LRRC4C: variants seen among roughly 807,000 people sequenced by gnomAD.
LRRC4C encodes leucine rich repeat containing 4C, also known as leucine-rich repeat-containing protein 4C.
Under a neutral mutation model 33.6 loss-of-function variants are expected in LRRC4C, and 5 were observed. That is an observed-to-expected ratio of 0.15 (90% confidence interval 0.08 to 0.31). The LOEUF (loss-of-function observed/expected upper bound fraction) is 0.31, where lower values mean the gene tolerates loss of function less well. Among genes scored for constraint, LRRC4C ranks in the 10% least tolerant of loss-of-function variants. The pLI is 1.00. For missense variants in LRRC4C, 560 were observed against 796.7 expected (o/e 0.70, Z 3.58); for synonymous variants, 329 against 302.0 (o/e 1.09, Z -0.93).
chr11:41,237,230 C>T (rs1056696698), intron 1 of LRRC4C, among the ~76,000 whole-genome samples: 1 of 152,198 alleles, frequency 6.6e-6, no homozygotes. Context: ...GCAGGTGTTA[C>T]TGTTTTCTCA....
At chr11:40,646,627 G>C (rs905210028) in intron 3 of LRRC4C, among the ~76,000 whole-genome samples, 1 of 152,016 alleles carries the variant, frequency 6.6e-6, no homozygotes, top group African/African-American at 2.4e-5. Flanking sequence ...CTTTTTTGGA[G>C]ACGGACTCTT....
chr11:40,684,133 G>A (rs1416539599), intron 2 of LRRC4C, among the ~76,000 whole-genome samples: 1 of 151,076 alleles, frequency 6.6e-6, no homozygotes, highest in Non-Finnish European at 1.5e-5. Flanking sequence ...AAATAGCTGG[G>A]GTAAAAATAA....
chr11:41,227,013 G>T (rs1396396039), intron 1 of LRRC4C, among the ~76,000 whole-genome samples: 1 of 151,764 alleles, frequency 6.6e-6, no homozygotes, highest in African/African-American at 2.4e-5. Context: ...TTTCTGGCCA[G>T]ACTGCTCAAG....
chr11:40,626,135 T>A (rs2135982154), intron 3 of LRRC4C, among the ~76,000 whole-genome samples: 1 of 152,284 alleles, frequency 6.6e-6, no homozygotes, highest in East Asian at 1.9e-4. Context: ...GATGCAACCA[T>A]CTTTGCTCAT....
intron 1 of LRRC4C, among the ~76,000 whole-genome samples, chr11:41,428,179 G>T (rs1298231656): frequency 6.6e-6 from 1 of 152,110 alleles, no homozygotes; most frequent in Non-Finnish European, 1.5e-5. Context: ...ATGTGATTAT[G>T]AAGGGCTCCG....
chr11:40,265,452 T>C (rs1942178233), intron 4 of LRRC4C, among the ~76,000 whole-genome samples: 1 of 152,224 alleles, frequency 6.6e-6, no homozygotes, highest in Non-Finnish European at 1.5e-5. Context: ...CCCTGCTTTC[T>C]AAATCCTCCA....
chr11:41,346,296 A>G (rs575723652), intron 1 of LRRC4C, among the ~76,000 whole-genome samples: 228 of 152,332 alleles, frequency 1.5e-3, no homozygotes, highest in Middle Eastern at 3.4e-3. Context: ...CATTCTACTC[A>G]TTCTGCACTT....
At chr11:40,796,645 T>TC (rs1202360042) in intron 2 of LRRC4C, among the ~76,000 whole-genome samples, 1 of 137,176 alleles carries the variant, frequency 7.3e-6, no homozygotes, top group African/African-American at 3.1e-5. Flanking sequence ...CTTTTTTTTT[T>TC]TTTTTTTTTT....
At chr11:40,226,721 C>A (rs894604162) in intron 5 of LRRC4C, among the ~76,000 whole-genome samples, 8 of 152,116 alleles carry the variant, frequency 5.3e-5, no homozygotes, top group Non-Finnish European at 1.2e-4. Flanking sequence ...CTGAGAAAAT[C>A]CATTTCTGGC....
chr11:40,325,889 T>A (rs1371721765), intron 3 of LRRC4C, among the ~76,000 whole-genome samples: 1 of 152,046 alleles, frequency 6.6e-6, no homozygotes, highest in Non-Finnish European at 1.5e-5. Context: ...CTACTCACAA[T>A]TAGATTAAGA....
chr11:40,420,458 C>T (rs1448017675), intron 3 of LRRC4C, among the ~76,000 whole-genome samples: 1 of 152,176 alleles, frequency 6.6e-6, no homozygotes, highest in Non-Finnish European at 1.5e-5. Context: ...GCCAGACTTA[C>T]ATCCTTGTCT....
intron 3 of LRRC4C, among the ~76,000 whole-genome samples, chr11:40,468,033 T>C (rs1270842722): frequency 7.9e-5 from 12 of 152,282 alleles, no homozygotes; most frequent in South Asian, 6.2e-4. Flanking sequence ...CTGCAATTCC[T>C]GGTAGCCTGG....
chr11:41,220,893 T>C (rs1019742776), intron 1 of LRRC4C, among the ~76,000 whole-genome samples: 1 of 152,214 alleles, frequency 6.6e-6, no homozygotes, highest in African/African-American at 2.4e-5. Flanking sequence ...TAAAACAGAT[T>C]ACGTCTCTGA....
intron 3 of LRRC4C, among the ~76,000 whole-genome samples, chr11:40,454,497 T>C (rs143589625): frequency 8.5e-5 from 13 of 152,286 alleles, no homozygotes; most frequent in African/African-American, 3.1e-4. Context: ...CTCACTGCCT[T>C]TATCTTATGG....
At chr11:40,365,593 G>T (rs550319122) in intron 3 of LRRC4C, among the ~76,000 whole-genome samples, 4 of 151,968 alleles carry the variant, frequency 2.6e-5, no homozygotes, top group Non-Finnish European at 5.9e-5. Context: ...TAAGTAGAAG[G>T]ATGTGTTAAC....
intron 1 of LRRC4C, among the ~76,000 whole-genome samples, chr11:41,232,251 C>T (rs1947835886): frequency 6.6e-6 from 1 of 152,036 alleles, no homozygotes; most frequent in Admixed American, 6.6e-5. Flanking sequence ...CTGTCTAACA[C>T]TCTGAGACTA....
At chr11:41,209,457 A>C (rs1374827332) in intron 1 of LRRC4C, among the ~76,000 whole-genome samples, 1 of 151,746 alleles carries the variant, frequency 6.6e-6, no homozygotes, top group Non-Finnish European at 1.5e-5. Context: ...AGTATGAATC[A>C]TACCTCAGGT....
intron 2 of LRRC4C, among the ~76,000 whole-genome samples, chr11:40,907,491 T>A (rs1374944055): frequency 6.6e-6 from 1 of 152,248 alleles, no homozygotes; most frequent in African/African-American, 2.4e-5. Context: ...ACAGCTACTA[T>A]CTTTCCTTTA....
intron 3 of LRRC4C, among the ~76,000 whole-genome samples, chr11:40,386,636 TCTATCC>T (rs1192896751): frequency 6.6e-6 from 1 of 152,158 alleles, no homozygotes; most frequent in Non-Finnish European, 1.5e-5. Flanking sequence ...CATTCCTGCC[TCTATCC>T]CTCTTTGTTT....
Sources: allele counts gnomAD v4.1 joint callset (sites outside exome capture counted in the v4.1 genomes callset), GRCh38; gene constraint gnomAD v4.1.1; transcripts MANE v1.5; gene names NCBI Gene and HGNC (gene_info 2026-07-23, HGNC 2026-07-21).